Variants in AGBL1 observed in about 807,000 individuals in gnomAD.
AGBL1 encodes the protein AGBL carboxypeptidase 1.
Under a neutral mutation model 118.9 loss-of-function variants are expected in AGBL1, and 130 were observed. That is an observed-to-expected ratio of 1.09 (90% CI 0.95 to 1.26). AGBL1 has a LOEUF of 1.26. Among genes scored for constraint, AGBL1 ranks in the 50% most tolerant of loss-of-function variants. AGBL1 has a pLI of 0.00. For missense variants in AGBL1, 1,584 were observed against 1,298.1 expected (o/e 1.22, Z -3.38); for synonymous variants, 555 against 478.9 (o/e 1.16, Z -2.08).
intron 21 of AGBL1, among the ~76,000 whole-genome samples, chr15:86,652,157 T>A (rs553125316): frequency 6.6e-6 from 1 of 152,150 alleles, no homozygotes; most frequent in Non-Finnish European, 1.5e-5. Flanking sequence ...CAGTGCACTC[T>A]CAATTTAAAT....
chr15:86,442,736 G>C (rs2082079397), intron 18 of AGBL1, among the ~76,000 whole-genome samples: 1 of 152,152 alleles, frequency 6.6e-6, no homozygotes, highest in African/African-American at 2.4e-5. Flanking sequence ...GGAAGCAAAA[G>C]AACAACAGCA....
At position 86,388,667 on chromosome 15, in the gene AGBL1, G is replaced by A. The variant is rs116257191; in HGVS notation, c.2375-8699G>A. Among the ~76,000 whole-genome samples, 864 of 151,918 alleles carry A rather than the reference G, an allele frequency of 5.7e-3. 6 individuals are homozygous for A. The highest frequency in any genetic ancestry group is 0.018 in the African/African-American group (741 of 41,406). Reference sequence around the variant, plus strand: ...ATTTTGTCTCAATAAGATTCATTTTGGCCTTCCTCTTAAATCTATACAGGC... The same window carrying A: ...ATTTTGTCTCAATAAGATTCATTTTAGCCTTCCTCTTAAATCTATACAGGC... On this transcript the variant is annotated intron_variant, in intron 17 of 22. Transcript: ENST00000614907.
intron 24 of AGBL1, among the ~76,000 whole-genome samples, chr15:87,004,924 T>C (rs1453573508): frequency 1.3e-5 from 2 of 152,170 alleles, no homozygotes; most frequent in Admixed American, 1.3e-4. Context: ...GTCTGTACAG[T>C]ATTTTATTTC....
rs144915844 is a variant in AGBL1, at chr15:86,898,839, G to T, written c.3159-8248G>T. Among the ~76,000 whole-genome samples, 246 of 152,202 alleles carry T rather than the reference G, an allele frequency of 1.6e-3. 1 individual carries two copies. Among genetic ancestry groups the T allele is most frequent in the Non-Finnish European group, 2.9e-3 (200 of 68,008 alleles). On this transcript the variant is annotated intron_variant, in intron 22 of 22. Coordinates refer to ENST00000614907, the MANE Select transcript of AGBL1 (RefSeq NM_001386094.1). ...GAAATGCAAATCAAAATGACAATGA[G>T]ATACCATCTCGCACCAGACAGAATG...
At chr15:86,165,871 A>G (rs2077334221) in intron 5 of AGBL1, among the ~76,000 whole-genome samples, 4 of 152,142 alleles carry the variant, frequency 2.6e-5, no homozygotes, top group Admixed American at 2.6e-4. Context: ...CAGAGTTATT[A>G]TTGCATCTGC....
chr15:86,947,862 AT>A (rs2080841829), intron 23 of AGBL1, among the ~76,000 whole-genome samples: 1 of 152,214 alleles, frequency 6.6e-6, no homozygotes, highest in South Asian at 2.1e-4. Context: ...TAGATTTTAC[AT>A]TAAAAATATA....
rs1300871342 is a variant in AGBL1 at position 86,928,827 on chromosome 15, ATGTTAATTTAAGCTG to A, written c.3222-59149_3222-59135del. ...TTTATTTTACATGTGAGGTTGCTGA[ATGTTAATTTAAGCTG>A]TGTTAATTTATAATTTTTTTCACAT... On this transcript the variant is annotated intron_variant, in intron 23 of 24. Coordinates refer to the AGBL1 transcript ENST00000441037. Among the ~76,000 whole-genome samples the A allele has an allele frequency of 4.6e-5, 7 of 152,212 alleles. No homozygotes were observed. In the East Asian group the frequency reaches 1.4e-3, roughly 29 times the overall value.
At chr15:86,126,615 A>T (rs74841556) in intron 1 of AGBL1, among the ~76,000 whole-genome samples, 459 of 152,336 alleles carry the variant, frequency 3.0e-3, no homozygotes, top group Middle Eastern at 0.01. Flanking sequence ...ATCCATACTT[A>T]TTACCTAGTG....
In AGBL1 at chr15:86,561,297, C is replaced by T. The variant is rs143693475; in HGVS notation, c.2994+6760C>T. ...AGGGTTTTTATGGCTTTAGGTCTAA[C>T]ATTTAAGTCTTTAATCCATCTTGAA... On this transcript the variant is annotated intron_variant, in intron 21 of 22. Coordinates refer to ENST00000614907, the MANE Select transcript of AGBL1 (RefSeq NM_001386094.1). Among the ~76,000 whole-genome samples, 527 of 152,314 alleles carry T rather than the reference C, an allele frequency of 3.5e-3. 6 individuals are homozygous for T. Among genetic ancestry groups the T allele is most frequent in the African/African-American group, 0.01 (418 of 41,562 alleles).
At chr15:86,702,839 C>A (rs919918691) in intron 22 of AGBL1, among the ~76,000 whole-genome samples, 1 of 141,754 alleles carries the variant, frequency 7.1e-6, no homozygotes, top group Non-Finnish European at 1.5e-5. Flanking sequence ...CTTGCCCAGT[C>A]TCCTGGGGTA....
intron 18 of AGBL1, among the ~76,000 whole-genome samples, chr15:86,446,274 G>A (rs2082119463): frequency 6.6e-6 from 1 of 152,128 alleles, no homozygotes; most frequent in Non-Finnish European, 1.5e-5. Flanking sequence ...AAACCTTCAT[G>A]CCAGCAGGTG....
chr15:86,392,972 A>G (rs1033601569), intron 17 of AGBL1, among the ~76,000 whole-genome samples: 2 of 152,210 alleles, frequency 1.3e-5, no homozygotes, highest in Non-Finnish European at 2.9e-5. Context: ...GCTGTTGTCC[A>G]TTATGAGTTC....
intron 18 of AGBL1, among the ~76,000 whole-genome samples, chr15:86,439,332 C>T (rs1234086501): frequency 1.3e-5 from 2 of 152,176 alleles, no homozygotes; most frequent in Admixed American, 6.5e-5. Flanking sequence ...CATTTCCCCC[C>T]ACATGACTTT....
intron 5 of AGBL1, among the ~76,000 whole-genome samples, chr15:86,200,615 T>C (rs1278152790): frequency 1.4e-5 from 2 of 144,064 alleles, no homozygotes; most frequent in South Asian, 2.4e-4. Flanking sequence ...GAATCCTTTT[T>C]CTTTTTCTTT....
Position 86,910,265 on chromosome 15 carries a change from G to A in AGBL1, c.*2971G>A, listed in dbSNP as rs1351554175. On this transcript the variant is annotated 3_prime_UTR_variant, in exon 23 of 23. Coordinates refer to ENST00000614907, the MANE Select transcript of AGBL1 (RefSeq NM_001386094.1). The stretch of plus-strand genomic sequence containing the variant: ...AAGGAGTGGAAAGATTTTGTGCAAA[G>A]GCCCTGTGGTAGAGTTAGAGCTTGA... The A allele has an allele frequency of 6.6e-6, 1 of 152,220 alleles. No homozygotes were observed. Among genetic ancestry groups the A allele is most frequent in the Middle Eastern group, 3.2e-3 (1 of 316 alleles). 9.4% of individuals were successfully genotyped at this position (152,220 alleles called of 1,614,324 possible). A position where few individuals can be genotyped will look rare whatever the true frequency, so the allele number is the denominator to read the frequency against.
At chr15:86,598,327 G>A (rs748907446) in intron 21 of AGBL1, among the ~76,000 whole-genome samples, 12 of 152,090 alleles carry the variant, frequency 7.9e-5, no homozygotes, top group East Asian at 1.9e-4. Flanking sequence ...AATAGTTCAC[G>A]TAAGATGCTT....
chr15:86,229,480 C>T (rs1315844318), intron 6 of AGBL1, among the ~76,000 whole-genome samples: 2 of 152,184 alleles, frequency 1.3e-5, no homozygotes, highest in Non-Finnish European at 2.9e-5. Flanking sequence ...AATTACCTCC[C>T]ACCAGGTCCC....
intron 21 of AGBL1, among the ~76,000 whole-genome samples, chr15:86,616,677 C>T (rs752639304): frequency 2.0e-5 from 3 of 152,158 alleles, no homozygotes; most frequent in Non-Finnish European, 4.4e-5. Context: ...TATTGTTATA[C>T]TTGGCTTCAC....
intron 18 of AGBL1, among the ~76,000 whole-genome samples, chr15:86,507,804 A>T (rs2082996908): frequency 1.3e-5 from 2 of 152,078 alleles, no homozygotes; most frequent in African/African-American, 4.8e-5. Context: ...GTGGTGAGTT[A>T]TACTTGGTTT....
Sources: gnomAD v4.1 joint callset for allele counts (sites outside exome capture counted in the v4.1 genomes callset) on GRCh38, gnomAD v4.1.1 for gene constraint, MANE v1.5 for transcripts, NCBI Gene and HGNC (gene_info 2026-07-23, HGNC 2026-07-21) for gene names.